PLXDC1: variants seen among roughly 807,000 people sequenced by gnomAD.
The protein encoded by PLXDC1 is plexin domain-containing protein 1.
PLXDC1 carries 39 observed loss-of-function variants against 61.3 expected under a neutral mutation model. That is an observed-to-expected ratio of 0.64 (90% CI 0.49 to 0.83). The LOEUF is 0.83. Among genes scored for constraint, PLXDC1 ranks in the 40% least tolerant of loss-of-function variants. The pLI is 0.00. For missense variants in PLXDC1, 596 were observed against 666.5 expected, an observed-to-expected ratio of 0.89 and a Z score of 1.17; for synonymous variants, 212 against 254.5, an observed-to-expected ratio of 0.83 and a Z score of 1.59.
intron 8 of PLXDC1, among the ~76,000 whole-genome samples, chr17:39,086,536 G>A (rs1384868457): frequency 6.6e-6 from 1 of 152,180 alleles, no homozygotes; most frequent in Non-Finnish European, 1.5e-5. Flanking sequence ...GCTCATGCCT[G>A]TAATTCCAAC....
At chr17:39,071,306 A>G (rs1358827458) in intron 12 of PLXDC1, among the ~76,000 whole-genome samples, 1 of 142,792 alleles carries the variant, frequency 7.0e-6, no homozygotes, top group Non-Finnish European at 1.5e-5. Flanking sequence ...AAAAGAGATA[A>G]TGAGGTAGAG....
At chr17:39,131,354 C>CTTTTTTTT (rs1166113173) in intron 2 of PLXDC1, among the ~76,000 whole-genome samples, 1 of 130,752 alleles carries the variant, frequency 7.6e-6, no homozygotes. Context: ...CTCTCTTTTT[C>CTTTTTTTT]TTTTCTTTTT....
chr17:39,133,384 A>T (rs1038739657), intron 2 of PLXDC1, among the ~76,000 whole-genome samples: 4 of 152,132 alleles, frequency 2.6e-5, no homozygotes, highest in Non-Finnish European at 4.4e-5. Context: ...GTGGGAATCC[A>T]AGTTAGCAGA....
chr17:39,083,605 T>C, intron 8 of PLXDC1, 65 bp from the exon 9 acceptor site: 1 of 1,208,192 alleles, frequency 8.3e-7, no homozygotes, highest in Non-Finnish European at 1.2e-6. Flanking sequence ...AGGGTGCAAC[T>C]CTGAATTCCT....
At position 39,151,170 on chromosome 17, in the gene PLXDC1, C is replaced by T. The variant is rs1212691725; in HGVS notation, c.76+192G>A. 3.3e-5 allele frequency among the ~76,000 whole-genome samples: 5 copies of T among 152,230 alleles called. No individual in the cohort carries two copies. The highest frequency in any genetic ancestry group is 9.6e-5 in the African/African-American group (4 of 41,452). On this transcript the variant is annotated intron_variant, in intron 1 of 13. Transcript: ENST00000315392. This position sits in a 1 kb window ranked among gnomAD's most constrained non-coding sequence, Gnocchi z 5.2. ...CCGGGCATCGGTGTCTCCACCGTCA[C>T]TCACACACCCTATGTGTTTGGGAAA...
rs1908927119 is a variant in PLXDC1 at position 39,067,183 on chromosome 17, T to C, written c.*657A>G. Reference sequence around the variant, plus strand: ...GAGAGCCAGCAAACCAAGAAGATGGTGGACTAATGTCCTAAAGAACCGTCT... The same window carrying C: ...GAGAGCCAGCAAACCAAGAAGATGGCGGACTAATGTCCTAAAGAACCGTCT... On this transcript the variant is annotated 3_prime_UTR_variant, in exon 14 of 14. Transcript: ENST00000315392. 1 of 152,354 alleles carries C rather than the reference T, an allele frequency of 6.6e-6. No individual in the cohort carries two copies. The highest frequency in any genetic ancestry group is 1.5e-5 in the Non-Finnish European group (1 of 68,052). 9.4% of individuals were successfully genotyped at this position (152,354 alleles called of 1,614,324 possible).
intron 5 of PLXDC1, 150 bp downstream of exon 5, chr17:39,107,973 A>G: frequency 2.1e-6 from 2 of 950,622 alleles, no homozygotes; most frequent in East Asian, 2.4e-5. Context: ...CCCCTATCTG[A>G]CAGGTCAGGA....
At chr17:39,073,964 C>A (rs764432266) in intron 11 of PLXDC1, among the ~76,000 whole-genome samples, 9 of 152,172 alleles carry the variant, frequency 5.9e-5, no homozygotes, top group Non-Finnish European at 1.0e-4. Flanking sequence ...ATGTCTCCCA[C>A]TCCTCCTGCC....
At chr17:39,082,677 G>T (rs1217137343) in intron 9 of PLXDC1, among the ~76,000 whole-genome samples, 1 of 152,090 alleles carries the variant, frequency 6.6e-6, no homozygotes, top group African/African-American at 2.4e-5. Flanking sequence ...AGCCCTTGGA[G>T]TTCATAGGAC....
chr17:39,128,117 A>ATG (rs1555573191), intron 2 of PLXDC1, among the ~76,000 whole-genome samples: 16,064 of 95,834 alleles, frequency 0.17, 2,788 homozygotes, highest in East Asian at 0.25. Context: ...ATATATATGT[A>ATG]TATATATATG....
chr17:39,117,546 C>G (rs1410124855), intron 2 of PLXDC1, among the ~76,000 whole-genome samples: 1 of 150,808 alleles, frequency 6.6e-6, no homozygotes, highest in Admixed American at 6.6e-5. Context: ...GCTTGGGCAA[C>G]ATAGTGAGAC....
chr17:39,146,070 C>CTTTTTTTTTT (rs71141767), intron 1 of PLXDC1, among the ~76,000 whole-genome samples: 2 of 131,202 alleles, frequency 1.5e-5, no homozygotes, highest in African/African-American at 6.0e-5. Context: ...CGGCCCATTC[C>CTTTTTTTTTT]TTTTTTTTTT....
At chr17:39,102,736 A>ACACACACACACACACACACG (rs1161304457) in intron 7 of PLXDC1, among the ~76,000 whole-genome samples, 5 of 125,426 alleles carry the variant, frequency 4.0e-5, no homozygotes, top group African/African-American at 1.8e-4. Flanking sequence ...ACACACACAC[A>ACACACACACACACACACACG]CACACTCACT....
At chr17:39,076,326 T>G (rs1254774420) in intron 11 of PLXDC1, among the ~76,000 whole-genome samples, 1 of 150,538 alleles carries the variant, frequency 6.6e-6, no homozygotes, top group Non-Finnish European at 1.5e-5. Context: ...CCGGGCAACA[T>G]AGTGAGACCT....
chr17:39,072,952 A>C (rs1029306346), intron 11 of PLXDC1: 5 of 163,562 alleles, frequency 3.1e-5, no homozygotes, highest in Admixed American at 2.3e-4. Flanking sequence ...GTTCCTTCCC[A>C]TGCAGATTTT....
intron 7 of PLXDC1, among the ~76,000 whole-genome samples, chr17:39,095,704 GC>G (rs2143567345): frequency 6.6e-6 from 1 of 151,506 alleles, no homozygotes; most frequent in East Asian, 1.9e-4. Flanking sequence ...TTGCTCTGTC[GC>G]CCAGGCTGGA....
At chr17:39,086,180 G>C (rs6503746) in intron 8 of PLXDC1, among the ~76,000 whole-genome samples, 118,463 of 152,072 alleles carry the variant, frequency 0.78, 46,419 homozygotes, top group Middle Eastern at 0.86. Context: ...CATCATAGAG[G>C]CTAAGGTTTG....
intron 1 of PLXDC1, among the ~76,000 whole-genome samples, chr17:39,145,792 A>G (rs2045337674): frequency 6.6e-6 from 1 of 152,204 alleles, no homozygotes; most frequent in Non-Finnish European, 1.5e-5. Context: ...TGAACCCTGA[A>G]TCTACCACCT....
intron 7 of PLXDC1, among the ~76,000 whole-genome samples, chr17:39,089,075 A>G (rs765364592): frequency 1.1e-4 from 16 of 152,178 alleles, no homozygotes; most frequent in Non-Finnish European, 2.1e-4. Flanking sequence ...ACAGCCAGGA[A>G]TTGAGCTTTG....
Sources: allele counts gnomAD v4.1 joint callset (sites outside exome capture counted in the v4.1 genomes callset), GRCh38; gene constraint gnomAD v4.1.1; non-coding constraint Gnocchi (gnomAD v3.1); transcripts MANE v1.5; gene names NCBI Gene and HGNC (gene_info 2026-07-23, HGNC 2026-07-21).